The following C12orf42 variants were observed in gnomAD, a reference collection of about 807,000 sequenced individuals.
C12orf42 encodes uncharacterized protein C12orf42.
In C12orf42, 25 loss-of-function variants were observed where a neutral mutation model predicts 21.6. The observed-to-expected ratio is 1.16, with a 90% confidence interval of 0.84 to 1.62. The LOEUF is 1.62. Ranked by LOEUF, C12orf42 falls within the 40% of genes most tolerant of loss-of-function variation. The pLI is 0.00. For missense variants in C12orf42, 483 were observed against 459.3 expected (o/e 1.05, Z -0.47); for synonymous variants, 174 against 175.0 (o/e 0.99, Z 0.05).
chr12:103,406,096 G>A (rs2048407022), intron 2 of C12orf42, among the ~76,000 whole-genome samples: 1 of 152,102 alleles, frequency 6.6e-6, no homozygotes, highest in Non-Finnish European at 1.5e-5. Context: ...GACTTCATAG[G>A]CAAAGGCATT....
chr12:103,364,379 T>C (rs1252345757), intron 4 of C12orf42, among the ~76,000 whole-genome samples: 1 of 151,884 alleles, frequency 6.6e-6, no homozygotes, highest in Non-Finnish European at 1.5e-5. Context: ...TACATGCCTA[T>C]ATCAAAAAGT....
At chr12:103,563,026 T>A in the C12orf42 span, among the ~76,000 whole-genome samples, 155 of 152,356 alleles carry the variant, frequency 1.0e-3, no homozygotes, top group African/African-American at 3.6e-3. Context: ...ATAGTTTGGA[T>A]TCGCTTGATG....
intron 2 of C12orf42, among the ~76,000 whole-genome samples, chr12:103,443,955 T>C (rs967399943): frequency 3.3e-5 from 5 of 152,244 alleles, no homozygotes; most frequent in African/African-American, 1.2e-4. Flanking sequence ...TTTTTAACAT[T>C]TTAATGTTTC....
At chr12:103,188,968 G>A in the C12orf42 span, among the ~76,000 whole-genome samples, 1 of 152,064 alleles carries the variant, frequency 6.6e-6, no homozygotes, top group African/African-American at 2.4e-5. Context: ...ACAGAGCTGA[G>A]TATAAAACTG....
At chr12:103,494,864 G>C (rs1297080847) in intron 1 of C12orf42, among the ~76,000 whole-genome samples, 1 of 152,202 alleles carries the variant, frequency 6.6e-6, no homozygotes. Context: ...GAGGTTACGT[G>C]AATGGGAGGG....
downstream of C12orf42, chr12:103,268,407 T>C (rs1157136736): frequency 6.6e-6 from 1 of 151,988 alleles, no homozygotes; most frequent in African/African-American, 2.4e-5. Flanking sequence ...GGGGACTTAA[T>C]CCTAAGCAGT....
chr12:103,563,169 T>G, the C12orf42 span, among the ~76,000 whole-genome samples: 2 of 152,170 alleles, frequency 1.3e-5, no homozygotes, highest in East Asian at 3.9e-4. Context: ...CATGGGTACT[T>G]CTGTCCAGCA....
chr12:103,171,269 A>T, the C12orf42 span, among the ~76,000 whole-genome samples: 69,454 of 151,962 alleles, frequency 0.46, 16,134 homozygotes, highest in East Asian at 0.61. Flanking sequence ...ACACCTCGGT[A>T]TATACTTATT....
At chr12:103,105,693 C>A in the C12orf42 span, among the ~76,000 whole-genome samples, 545 of 152,172 alleles carry the variant, frequency 3.6e-3, 1 homozygote, top group African/African-American at 0.012. Flanking sequence ...AAAACTCAGA[C>A]AGTAGATTAG....
intron 2 of C12orf42, among the ~76,000 whole-genome samples, chr12:103,461,302 G>GATGACAAAT (rs1168049474): frequency 2.0e-5 from 3 of 152,118 alleles, no homozygotes; most frequent in Non-Finnish European, 4.4e-5. Context: ...TACTTTTGAA[G>GATGACAAAT]ATGACAAATA....
the C12orf42 span, among the ~76,000 whole-genome samples, chr12:103,208,136 C>T: frequency 1.3e-5 from 2 of 152,154 alleles, no homozygotes; most frequent in African/African-American, 4.8e-5. Flanking sequence ...ATGGTACAAG[C>T]AAAGAGGCTA....
At chr12:103,109,950 G>A in the C12orf42 span, among the ~76,000 whole-genome samples, 1 of 152,052 alleles carries the variant, frequency 6.6e-6, no homozygotes, top group East Asian at 1.9e-4. Context: ...TAGTAACCAG[G>A]AAAATTTCAG....
the C12orf42 span, among the ~76,000 whole-genome samples, chr12:103,141,170 A>G: frequency 6.6e-6 from 1 of 152,208 alleles, no homozygotes. Context: ...GCAGTGACCT[A>G]TAACATTTGA....
chr12:103,474,249 G>A (rs1250105944), intron 2 of C12orf42, among the ~76,000 whole-genome samples: 1 of 152,074 alleles, frequency 6.6e-6, no homozygotes, highest in African/African-American at 2.4e-5. Context: ...GAAAGTGAAG[G>A]GGAAGAAAAA....
chr12:103,333,077 G>A lies in C12orf42; in HGVS notation c.260-26732C>T, dbSNP rs577672568. Reference sequence around the variant, plus strand: ...AAAAAATGGCACAAATTTAAGAAGAGAGTGATGGACATTCGCCTAATAACA... The same window carrying A: ...AAAAAATGGCACAAATTTAAGAAGAAAGTGATGGACATTCGCCTAATAACA... On this transcript the variant is annotated intron_variant, in intron 4 of 5. Transcript: ENST00000548883. Among the ~76,000 whole-genome samples, 56 of 152,314 alleles carry A rather than the reference G, an allele frequency of 3.7e-4. No homozygotes were observed. In the South Asian group the frequency reaches 0.011, roughly 29 times the overall value.
intron 4 of C12orf42, among the ~76,000 whole-genome samples, chr12:103,336,042 C>A (rs1379400337): frequency 2.0e-5 from 3 of 152,186 alleles, no homozygotes; most frequent in Non-Finnish European, 4.4e-5. Context: ...GAATACAATG[C>A]ACAAACTTTC....
chr12:103,089,723 C>T, the C12orf42 span, among the ~76,000 whole-genome samples: 4 of 151,860 alleles, frequency 2.6e-5, no homozygotes, highest in Non-Finnish European at 5.9e-5. Flanking sequence ...TGGATTCTGG[C>T]ATCTTGTCTA....
chr12:103,493,368 T>G (rs1397340227), intron 1 of C12orf42, among the ~76,000 whole-genome samples: 1 of 152,164 alleles, frequency 6.6e-6, no homozygotes, highest in African/African-American at 2.4e-5. Flanking sequence ...CTTTTCTGCC[T>G]CAGGGCCTTT....
the C12orf42 span, among the ~76,000 whole-genome samples, chr12:103,079,805 T>C: frequency 6.6e-6 from 1 of 152,208 alleles, no homozygotes; most frequent in African/African-American, 2.4e-5. Flanking sequence ...GGGAGAACCA[T>C]ATCCTGGTTC....
Sources: gnomAD v4.1 joint callset for allele counts (sites outside exome capture counted in the v4.1 genomes callset) on GRCh38, gnomAD v4.1.1 for gene constraint, MANE v1.5 for transcripts, NCBI Gene and HGNC (gene_info 2026-07-23, HGNC 2026-07-21) for gene names.